PPP1R12A: variants seen among roughly 807,000 people sequenced by gnomAD.
PPP1R12A encodes myosin binding subunit.
A neutral mutation model predicts 139.6 loss-of-function variants in PPP1R12A; 19 were observed. The ratio of observed to expected loss-of-function variants is 0.14; its 90% CI spans 0.09 to 0.20. PPP1R12A has a LOEUF of 0.20. Among genes scored for constraint, PPP1R12A ranks in the 10% least tolerant of loss-of-function variants. PPP1R12A has a pLI of 1.00. For synonymous variants in PPP1R12A, 427 were observed against 420.6 expected (o/e 1.02, Z -0.19); for missense variants, 925 against 1,211.5 (o/e 0.76, Z 3.51).
At chr12:79,862,025 C>CG (rs1354630600) in intron 2 of PPP1R12A, among the ~76,000 whole-genome samples, 1 of 152,158 alleles carries the variant, frequency 6.6e-6, no homozygotes, top group Non-Finnish European at 1.5e-5. Context: ...GGGTCCCCGA[C>CG]CCCTGTGCAG....
At chr12:79,900,700 T>A (rs1885556178) in intron 1 of PPP1R12A, among the ~76,000 whole-genome samples, 1 of 152,126 alleles carries the variant, frequency 6.6e-6, no homozygotes, top group Non-Finnish European at 1.5e-5. Context: ...CTTTGGGGTG[T>A]ATACACAACG....
At chr12:79,899,269 T>C (rs1885423273) in intron 1 of PPP1R12A, among the ~76,000 whole-genome samples, 1 of 35,838 alleles carries the variant, frequency 2.8e-5, no homozygotes, top group South Asian at 7.5e-4. Context: ...TATATATATA[T>C]ATATATATAT....
intron 5 of PPP1R12A, among the ~76,000 whole-genome samples, chr12:79,822,955 C>A (rs1393335515): frequency 1.3e-5 from 2 of 151,368 alleles, no homozygotes; most frequent in African/African-American, 2.4e-5. Context: ...GAGACTTTTT[C>A]TTTTTGATGA....
At chr12:79,935,255 G>T (rs372467030), upstream of PPP1R12A, 6 of 1,130,156 alleles carry the variant, frequency 5.3e-6, no homozygotes, top group East Asian at 1.0e-4. Flanking sequence ...CTGGGCCTGT[G>T]CCCGCCCCAG....
chr12:79,926,405 G>A (rs557093677), intron 1 of PPP1R12A, among the ~76,000 whole-genome samples: 1 of 152,120 alleles, frequency 6.6e-6, no homozygotes, highest in South Asian at 2.1e-4. Flanking sequence ...TGGCCAGGTT[G>A]ATCTCAAATT....
intron 1 of PPP1R12A, among the ~76,000 whole-genome samples, chr12:79,925,069 A>AT (rs1471271763): frequency 6.6e-6 from 1 of 152,128 alleles, no homozygotes; most frequent in Non-Finnish European, 1.5e-5. Flanking sequence ...AGAAAAAAAA[A>AT]CTCTCAACAC....
intron 2 of PPP1R12A, among the ~76,000 whole-genome samples, chr12:79,868,886 T>C (rs1042526329): frequency 1.3e-5 from 2 of 152,206 alleles, no homozygotes; most frequent in African/African-American, 2.4e-5. Context: ...TGACCTGATA[T>C]ATATAGTAAG....
At chr12:79,870,322 C>T (rs1882438700) in intron 2 of PPP1R12A, among the ~76,000 whole-genome samples, 1 of 151,924 alleles carries the variant, frequency 6.6e-6, no homozygotes, top group Non-Finnish European at 1.5e-5. Flanking sequence ...TGTCATGTTG[C>T]CCAGGCTGGT....
intron 2 of PPP1R12A, among the ~76,000 whole-genome samples, chr12:79,855,029 C>G (rs80123677): frequency 6.6e-6 from 1 of 151,994 alleles, no homozygotes; most frequent in Admixed American, 6.6e-5. Flanking sequence ...TGCTCTGTCG[C>G]CCAGGCTGGA....
At chr12:79,850,561 G>T (rs1423281340) in intron 2 of PPP1R12A, among the ~76,000 whole-genome samples, 1 of 152,302 alleles carries the variant, frequency 6.6e-6, no homozygotes, top group East Asian at 1.9e-4. Flanking sequence ...GAGAGACAAA[G>T]AAAGCAATTA....
chr12:79,793,852 A>C lies in PPP1R12A; in HGVS notation c.2649+11T>G. The C allele has an allele frequency of 6.4e-7, 1 of 1,555,676 alleles. No homozygotes were observed. The highest frequency in any genetic ancestry group is 8.8e-7 in the Non-Finnish European group (1 of 1,142,430). ...TGAATACTTCTCAATACAAAAAGTA[A>C]TGGTATTTACCTGAGTTTCTTTCTT... On this transcript the variant is annotated intron_variant, in intron 19 of 24. Transcript: ENST00000450142.
chr12:79,874,756 G>A (rs559942620), intron 1 of PPP1R12A, among the ~76,000 whole-genome samples: 2 of 152,210 alleles, frequency 1.3e-5, no homozygotes, highest in South Asian at 4.1e-4. Flanking sequence ...TATGAAAGGT[G>A]CTTTATCTAT....
At chr12:79,904,446 A>G (rs1284999970) in intron 1 of PPP1R12A, among the ~76,000 whole-genome samples, 1 of 152,052 alleles carries the variant, frequency 6.6e-6, no homozygotes, top group Non-Finnish European at 1.5e-5. Context: ...GGTTACTCAA[A>G]TATTACCTCC....
At chr12:79,854,187 A>C (rs1418004495) in intron 2 of PPP1R12A, among the ~76,000 whole-genome samples, 7 of 152,120 alleles carry the variant, frequency 4.6e-5, no homozygotes, top group Admixed American at 4.6e-4. Context: ...TATATACTCT[A>C]AGCAGCACAG....
chr12:79,907,234 G>C (rs1886204880), intron 1 of PPP1R12A, among the ~76,000 whole-genome samples: 2 of 152,092 alleles, frequency 1.3e-5, no homozygotes, highest in Non-Finnish European at 2.9e-5. Flanking sequence ...AGATTATTAA[G>C]AACAGGCAGA....
intron 8 of PPP1R12A, among the ~76,000 whole-genome samples, chr12:79,820,331 CAAAACA>C (rs1592666106): frequency 6.6e-6 from 1 of 152,084 alleles, no homozygotes; most frequent in Non-Finnish European, 1.5e-5. Context: ...TAAAATTTCT[CAAAACA>C]AAGCAAATTC....
In PPP1R12A at chr12:79,808,372, C is replaced by T. The variant is rs372387053; in HGVS notation, c.1550+111G>A. 8 of 729,960 alleles carry T rather than the reference C, an allele frequency of 1.1e-5. No individual in the cohort carries two copies. The African/African-American group carries it at 1.4e-4, about 13-fold the overall frequency. The allele number at this position is 729,960 out of a possible 1,614,324, so 45.2% of individuals were successfully genotyped here. ...TTTCTCCTTCAGGAATATCCTCCAT[C>T]TCTTCCCACAATACATATCCGCACA... On this transcript the variant is annotated intron_variant, in intron 11 of 24. Coordinates refer to ENST00000450142, the MANE Select transcript of PPP1R12A (RefSeq NM_002480.3).
chr12:79,807,987 G>C (rs1269239098), intron 11 of PPP1R12A, among the ~76,000 whole-genome samples: 1 of 151,782 alleles, frequency 6.6e-6, no homozygotes, highest in East Asian at 1.9e-4. Flanking sequence ...AGTGAGCCGA[G>C]ATTGCGCCAC....
At chr12:79,911,281 G>A (rs1438522754) in intron 1 of PPP1R12A, among the ~76,000 whole-genome samples, 2 of 151,848 alleles carry the variant, frequency 1.3e-5, no homozygotes, top group Non-Finnish European at 2.9e-5. Context: ...TCTATCACTC[G>A]GCTTCAGCTC....
Sources: gnomAD v4.1 joint callset for allele counts (sites outside exome capture counted in the v4.1 genomes callset) on GRCh38, gnomAD v4.1.1 for gene constraint, MANE v1.5 for transcripts, NCBI Gene and HGNC (gene_info 2026-07-23, HGNC 2026-07-21) for gene names.